SORCS1: variants seen among roughly 807,000 people sequenced by gnomAD.
SORCS1 encodes VPS10 domain-containing receptor SorCS1.
A neutral mutation model predicts 146.1 loss-of-function variants in SORCS1; 60 were observed. The ratio of observed to expected loss-of-function variants is 0.41; its 90% CI spans 0.33 to 0.51. SORCS1 has a LOEUF of 0.51. Ranked by LOEUF, SORCS1 falls within the 20% of genes least tolerant of loss-of-function variation. The probability of loss-of-function intolerance (pLI) is 0.21; values close to 1 mark genes in which losing one functional copy is unlikely to be tolerated. For synonymous variants in SORCS1, 637 were observed against 584.0 expected (o/e 1.09, Z -1.31); for missense variants, 1,352 against 1,487.6 (o/e 0.91, Z 1.50).
intron 2 of SORCS1, among the ~76,000 whole-genome samples, chr10:106,893,249 A>G (rs949870550): frequency 2.6e-5 from 4 of 152,164 alleles, no homozygotes; most frequent in Non-Finnish European, 5.9e-5. Flanking sequence ...ACCCAAGCAT[A>G]GGGCTTTTGG....
chr10:106,779,583 C>T (rs1240212440), intron 3 of SORCS1, among the ~76,000 whole-genome samples: 3 of 138,748 alleles, frequency 2.2e-5, no homozygotes, highest in Non-Finnish European at 4.5e-5. Flanking sequence ...AAGAGTATCG[C>T]TCTGTTGCCC....
chr10:106,809,842 G>A (rs959591158), intron 3 of SORCS1, among the ~76,000 whole-genome samples: 6 of 152,156 alleles, frequency 3.9e-5, no homozygotes, highest in African/African-American at 1.4e-4. Context: ...CACATCTACT[G>A]TTTGTGGATG....
At chr10:106,683,731 G>C (rs1458448893) in intron 10 of SORCS1, among the ~76,000 whole-genome samples, 1 of 152,188 alleles carries the variant, frequency 6.6e-6, no homozygotes, top group Non-Finnish European at 1.5e-5. Flanking sequence ...GGACAGATCA[G>C]AGCTTTTGTA....
intron 5 of SORCS1, among the ~76,000 whole-genome samples, chr10:106,744,497 C>T (rs1465201491): frequency 6.6e-6 from 1 of 152,128 alleles, no homozygotes; most frequent in Non-Finnish European, 1.5e-5. Flanking sequence ...TCAATAGGAA[C>T]AACTGTTATA....
chr10:106,656,330 C>G (rs1299881597), intron 17 of SORCS1, among the ~76,000 whole-genome samples: 1 of 152,114 alleles, frequency 6.6e-6, no homozygotes, highest in Non-Finnish European at 1.5e-5. Flanking sequence ...GTGAGCAGAT[C>G]ATGAGGTCAG....
intron 1 of SORCS1, among the ~76,000 whole-genome samples, chr10:107,044,038 G>A (rs1225831704): frequency 6.6e-6 from 1 of 152,130 alleles, no homozygotes; most frequent in Non-Finnish European, 1.5e-5. Flanking sequence ...ACAACAGGTT[G>A]CCTACAACCA....
intron 3 of SORCS1, among the ~76,000 whole-genome samples, chr10:106,823,617 A>T (rs534577125): frequency 6.6e-6 from 1 of 152,348 alleles, no homozygotes; most frequent in South Asian, 2.1e-4. Context: ...ACTTTATGCC[A>T]TCTAGGTCCT....
intron 2 of SORCS1, among the ~76,000 whole-genome samples, chr10:106,833,376 G>A (rs762048085): frequency 2.0e-4 from 30 of 152,306 alleles, no homozygotes; most frequent in Non-Finnish European, 3.7e-4. Flanking sequence ...ATCAGCGGTT[G>A]TCCAAGCGTG....
chr10:106,666,692 G>T (rs1004077175), intron 17 of SORCS1, among the ~76,000 whole-genome samples: 2 of 151,662 alleles, frequency 1.3e-5, no homozygotes, highest in East Asian at 3.9e-4. Flanking sequence ...GAGTGTCTGA[G>T]ACTACAGGCG....
intron 8 of SORCS1, among the ~76,000 whole-genome samples, chr10:106,701,528 C>T (rs1006210695): frequency 6.6e-6 from 1 of 152,128 alleles, no homozygotes; most frequent in Non-Finnish European, 1.5e-5. Flanking sequence ...AAGAAAACTC[C>T]AGATCTGCTG....
At chr10:106,943,070 C>G (rs943316945) in intron 2 of SORCS1, among the ~76,000 whole-genome samples, 6 of 152,176 alleles carry the variant, frequency 3.9e-5, no homozygotes, top group Non-Finnish European at 5.9e-5. Flanking sequence ...GTGGGCATCA[C>G]TAGGACAGAC....
chr10:107,088,917 T>G (rs1226362894), intron 1 of SORCS1, among the ~76,000 whole-genome samples: 1 of 152,230 alleles, frequency 6.6e-6, no homozygotes, highest in East Asian at 1.9e-4. Flanking sequence ...CTACTTAAGC[T>G]AATATGAGCA....
chr10:106,597,438 G>A lies in SORCS1; in HGVS notation c.3178C>T (p.Leu1060=), dbSNP rs750793719. ...GAGTTTTGGTTGAGCGTGTGGATCA[G>A]CAATTCTGATATCTGAAAAAAGAAG... ...TDDLEQISEL[L]IHTLNQNSVH... is the part of the protein sequence containing the mutation. The change falls in exon 24 of 26, where the codon CTG becomes TTG. Residue 1060 remains leucine, a synonymous_variant. Transcript: ENST00000263054. 2 of 1,613,528 alleles carry A rather than the reference G, an allele frequency of 1.2e-6. No homozygotes were observed. The highest frequency in any genetic ancestry group is 1.7e-5 in the Admixed American group (1 of 60,006).
At chr10:106,854,580 C>T (rs12242718) in intron 2 of SORCS1, among the ~76,000 whole-genome samples, 4 of 151,454 alleles carry the variant, frequency 2.6e-5, no homozygotes, top group Admixed American at 6.6e-5. Context: ...GCATTTTATA[C>T]GAATTTATTT....
At chr10:106,632,370 G>C (rs1172755729) in intron 18 of SORCS1, among the ~76,000 whole-genome samples, 1 of 152,188 alleles carries the variant, frequency 6.6e-6, no homozygotes, top group Non-Finnish European at 1.5e-5. Flanking sequence ...AAGTGGTAAG[G>C]CTACGGCCAC....
At chr10:106,779,143 CA>C (rs1359173999) in intron 3 of SORCS1, among the ~76,000 whole-genome samples, 1 of 152,046 alleles carries the variant, frequency 6.6e-6, no homozygotes, top group African/African-American at 2.4e-5. Context: ...ATAGGCAGAC[CA>C]AAATCCCACC....
chr10:107,053,612 T>G (rs1048108527), intron 1 of SORCS1, among the ~76,000 whole-genome samples: 1 of 152,150 alleles, frequency 6.6e-6, no homozygotes, highest in Non-Finnish European at 1.5e-5. Flanking sequence ...AACTCACATA[T>G]GGATAGCAAT....
chr10:107,141,940 C>A (rs1967881809), intron 1 of SORCS1, among the ~76,000 whole-genome samples: 1 of 152,208 alleles, frequency 6.6e-6, no homozygotes, highest in Non-Finnish European at 1.5e-5. Context: ...CCTAGACTTG[C>A]AGTGCTATGG....
intron 1 of SORCS1, chr10:106,969,887 CT>C (rs2139187229): frequency 6.6e-6 from 1 of 152,328 alleles, no homozygotes; most frequent in East Asian, 1.9e-4. Flanking sequence ...TCAGATAGGA[CT>C]CCCCATTAGA....
Sources: gnomAD v4.1 joint callset for allele counts (sites outside exome capture counted in the v4.1 genomes callset) on GRCh38, gnomAD v4.1.1 for gene constraint, MANE v1.5 for transcripts, NCBI Gene and HGNC (gene_info 2026-07-23, HGNC 2026-07-21) for gene names.